The following DGKB variants were observed in gnomAD, a reference collection of about 807,000 sequenced individuals.
DGKB encodes diacylglycerol kinase beta.
Under a neutral mutation model 114.3 loss-of-function variants are expected in DGKB, and 67 were observed. The ratio of observed to expected loss-of-function variants is 0.59; its 90% confidence interval spans 0.48 to 0.72. The LOEUF is 0.72. Ranked by LOEUF, DGKB falls within the 30% of genes least tolerant of loss-of-function variation. The pLI is 0.00. For synonymous variants in DGKB, 398 were observed against 323.1 expected, an observed-to-expected ratio of 1.23 and a Z score of -2.49; for missense variants, 907 against 975.2, an observed-to-expected ratio of 0.93 and a Z score of 0.93.
At chr7:14,541,181 G>A (rs1339186801) in intron 20 of DGKB, among the ~76,000 whole-genome samples, 1 of 151,830 alleles carries the variant, frequency 6.6e-6, no homozygotes, top group African/African-American at 2.4e-5. Context: ...TCCTTCACTA[G>A]TGGGAGCAGA....
intron 17 of DGKB, among the ~76,000 whole-genome samples, chr7:14,585,181 T>A (rs1563592308): frequency 6.6e-6 from 1 of 152,190 alleles, no homozygotes; most frequent in African/African-American, 2.4e-5. Context: ...ATTGTGGATA[T>A]TTAACCTTTG....
intron 25 of DGKB, among the ~76,000 whole-genome samples, chr7:14,159,245 T>A (rs1428241018): frequency 2.6e-5 from 4 of 152,132 alleles, no homozygotes; most frequent in African/African-American, 9.7e-5. Context: ...CCAGGTTCCT[T>A]CCCACACTGT....
intron 1 of DGKB, among the ~76,000 whole-genome samples, chr7:14,884,482 CT>C (rs1468173556): frequency 1.3e-5 from 2 of 151,886 alleles, no homozygotes; most frequent in African/African-American, 4.8e-5. Flanking sequence ...TTTCACACAG[CT>C]TTTTAAAATA....
intron 23 of DGKB, among the ~76,000 whole-genome samples, chr7:14,313,044 T>C (rs766241383): frequency 6.6e-6 from 1 of 152,200 alleles, no homozygotes; most frequent in East Asian, 1.9e-4. Flanking sequence ...ACCTGTAGAT[T>C]TTAATGCAAA....
intron 1 of DGKB, among the ~76,000 whole-genome samples, chr7:14,961,088 G>A (rs1299271063): frequency 6.6e-6 from 1 of 152,038 alleles, no homozygotes; most frequent in African/African-American, 2.4e-5. Flanking sequence ...TCTATTTAAT[G>A]TGTATACAGG....
chr7:14,752,656 A>G (rs2128437671), intron 4 of DGKB, among the ~76,000 whole-genome samples: 1 of 152,300 alleles, frequency 6.6e-6, no homozygotes, highest in East Asian at 1.9e-4. Flanking sequence ...CACATGAAAC[A>G]AAGACTGGGC....
chr7:14,390,648 TA>T (rs1349034595), intron 21 of DGKB, among the ~76,000 whole-genome samples: 2 of 152,160 alleles, frequency 1.3e-5, no homozygotes, highest in African/African-American at 2.4e-5. Flanking sequence ...CAAATGTAGG[TA>T]TTTATGGTAT....
chr7:14,231,081 CCCTT>C lies in DGKB; in HGVS notation c.2123-52934_2123-52931del, dbSNP rs1200781777. On this transcript the variant is annotated intron_variant, in intron 23 of 25. Coordinates refer to ENST00000402815, the MANE Select transcript of DGKB (RefSeq NM_001350709.2). ...CAAGGTTAAAAATTCTTTCTTCTTT[CCCTT>C]TCTTTCTTTCTTTCTTTCTTTCTTT... Among the ~76,000 whole-genome samples the C allele has an allele frequency of 7.4e-5, 10 of 135,402 alleles. No individual in the cohort carries two copies. The South Asian group carries it at 1.2e-3, about 17-fold the overall frequency. 88.8% of individuals were successfully genotyped at this position (135,402 alleles called of 152,430 possible). A position where few individuals can be genotyped will look rare whatever the true frequency, so the allele number is the denominator to read the frequency against.
intron 20 of DGKB, among the ~76,000 whole-genome samples, chr7:14,573,722 A>T (rs1798711939): frequency 6.6e-6 from 1 of 152,100 alleles, no homozygotes; most frequent in Non-Finnish European, 1.5e-5. Context: ...AATGAAATGA[A>T]AAGCCAGCCT....
intron 21 of DGKB, among the ~76,000 whole-genome samples, chr7:14,365,304 T>C (rs1816480113): frequency 6.6e-6 from 1 of 152,108 alleles, no homozygotes; most frequent in Admixed American, 6.6e-5. Context: ...AGAATTTGTC[T>C]TCTGAGAGTC....
chr7:14,661,800 C>G (rs1817143001), intron 13 of DGKB, among the ~76,000 whole-genome samples: 1 of 152,084 alleles, frequency 6.6e-6, no homozygotes, highest in South Asian at 2.1e-4. Context: ...GACTTGGAAC[C>G]AACCCAAATG....
intron 1 of DGKB, among the ~76,000 whole-genome samples, chr7:14,891,856 A>G (rs887779649): frequency 1.4e-4 from 21 of 151,358 alleles, no homozygotes; most frequent in Non-Finnish European, 1.5e-5. Context: ...ATGGACATTT[A>G]GAAGAATTAC....
chr7:14,196,920 C>T (rs894544907), intron 23 of DGKB, among the ~76,000 whole-genome samples: 3 of 152,050 alleles, frequency 2.0e-5, no homozygotes, highest in Admixed American at 2.0e-4. Context: ...TACAAAGGAA[C>T]TGCACTAACA....
chr7:14,235,908 G>GT (rs1292344816), intron 23 of DGKB, among the ~76,000 whole-genome samples: 1 of 151,956 alleles, frequency 6.6e-6, no homozygotes, highest in Admixed American at 6.6e-5. Flanking sequence ...TGCTTACCTA[G>GT]TGCACGTGTG....
intron 23 of DGKB, among the ~76,000 whole-genome samples, chr7:14,231,864 T>C: frequency 6.6e-6 from 1 of 152,070 alleles, no homozygotes. Flanking sequence ...TACCTTGTGA[T>C]TGAAGTATGT....
At chr7:14,939,489 T>G (rs575240269) in intron 1 of DGKB, among the ~76,000 whole-genome samples, 1 of 152,284 alleles carries the variant, frequency 6.6e-6, no homozygotes, top group Admixed American at 6.5e-5. Context: ...TCTTGGAAAT[T>G]GAGCACTCTG....
At chr7:14,384,547 T>C (rs543607987) in intron 21 of DGKB, among the ~76,000 whole-genome samples, 2 of 152,350 alleles carry the variant, frequency 1.3e-5, no homozygotes, top group Admixed American at 6.5e-5. Context: ...CATGACACAA[T>C]GAATTTCCCT....
chr7:14,349,930 A>G (rs1376390486), intron 21 of DGKB, among the ~76,000 whole-genome samples: 3 of 152,152 alleles, frequency 2.0e-5, no homozygotes, highest in Non-Finnish European at 4.4e-5. Context: ...AGTCAAATTT[A>G]TCGTATTCCT....
At chr7:14,911,128 T>C (rs978813332) in intron 1 of DGKB, among the ~76,000 whole-genome samples, 3 of 152,098 alleles carry the variant, frequency 2.0e-5, no homozygotes, top group Non-Finnish European at 2.9e-5. Context: ...AAACATGTTA[T>C]TATAGTTATC....
Sources: allele counts gnomAD v4.1 joint callset (sites outside exome capture counted in the v4.1 genomes callset), GRCh38; gene constraint gnomAD v4.1.1; transcripts MANE v1.5; gene names NCBI Gene and HGNC (gene_info 2026-07-23, HGNC 2026-07-21).